The following LYST variants were observed in gnomAD, a reference collection of about 807,000 sequenced individuals.
The protein encoded by LYST is lysosomal trafficking regulator.
LYST carries 192 observed loss-of-function variants against 413.6 expected under a neutral mutation model. The observed-to-expected ratio is 0.46, with a 90% CI of 0.41 to 0.52. The LOEUF (loss-of-function observed/expected upper bound fraction) is 0.52. LYST is among the 20% of genes least tolerant of loss of function. The probability of loss-of-function intolerance (pLI) is 0.00; values close to 1 mark genes in which losing one functional copy is unlikely to be tolerated. For missense variants in LYST, 3,815 were observed against 4,499.9 expected (o/e 0.85, Z 4.35); for synonymous variants, 1,525 against 1,567.3 (o/e 0.97, Z 0.64).
chr1:235,757,203 T>C (rs1667124481), intron 24 of LYST, 78 bp downstream of exon 24: 8 of 891,602 alleles, frequency 9.0e-6, no homozygotes, highest in African/African-American at 1.7e-5. Flanking sequence ...TCTACTTTAA[T>C]GTATATACTC....
intron 31 of LYST, chr1:235,738,401 A>T: frequency 1.2e-6 from 2 of 1,613,492 alleles, no homozygotes; most frequent in Non-Finnish European, 1.7e-6. Context: ...CAAGTTGCTT[A>T]TTGTTTCAAA....
intron 25 of LYST, among the ~76,000 whole-genome samples, chr1:235,754,649 A>G (rs78713790): frequency 0.074 from 11,242 of 152,250 alleles, 545 homozygotes; most frequent in Middle Eastern, 0.12. Context: ...ATAAAGGATG[A>G]AGTTATATTA....
rs200639314 is a variant in LYST, at chr1:235,702,795, C to G, written c.10326G>C (p.Gln3442His). 1 of 1,614,196 alleles carries G rather than the reference C, an allele frequency of 6.2e-7. No individual in the cohort carries two copies. The highest frequency in any genetic ancestry group is 8.5e-7 in the Non-Finnish European group (1 of 1,180,034). The change falls in exon 45 of 53, where the codon CAG (glutamine) becomes CAC (histidine). Residue 3442 changes from glutamine to histidine, a missense_variant. Coordinates refer to ENST00000389793, the MANE Select transcript of LYST (RefSeq NM_000081.4). ...GTTCTCGGGTCTCCCTGAAAGCAAA[C>G]TGCACTAGCAACCCCACAGCAGCTG... Reference protein sequence around the residue: ...ELPAAVGLLVQFAFRETREQV... With the variant: ...ELPAAVGLLVHFAFRETREQV...
chr1:235,780,911 C>T lies in LYST; in HGVS notation c.5168G>A (p.Arg1723Lys), dbSNP rs1466559160. The T allele has an allele frequency of 6.3e-7, 1 of 1,575,286 alleles. No homozygotes were observed. ...ATCTTTCTTGGTCATAAAAAGTTCT[C>T]TGATTTGTTCACATCGCAAAATTTC... ...NKEILRCEQI[R>K]ELFMTKKDVD... The change falls in exon 16 of 53, where the codon AGA (arginine) becomes AAA (lysine). Residue 1723 changes from arginine (R) to lysine (K), a missense_variant. Arg to Lys is a conservative substitution (Grantham distance 26). This residue lies in a region of LYST where 530 missense variants were observed against 696.5 expected (regional missense o/e 0.76). Transcript: ENST00000389793.
At chr1:235,677,385 A>G in intron 49 of LYST, 95 bp downstream of exon 49, 1 of 1,339,924 alleles carries the variant, frequency 7.5e-7, no homozygotes, top group Non-Finnish European at 1.1e-6. Flanking sequence ...TAAAATGATT[A>G]TAACGTAAAG....
At chr1:235,815,409 C>G (rs1004351527) in intron 3 of LYST, among the ~76,000 whole-genome samples, 4 of 152,030 alleles carry the variant, frequency 2.6e-5, no homozygotes, top group African/African-American at 9.7e-5. Context: ...TTTAGACAGG[C>G]TATTTAGGAT....
chr1:235,706,672 T>G (rs1180837961), intron 44 of LYST, among the ~76,000 whole-genome samples: 2 of 152,192 alleles, frequency 1.3e-5, no homozygotes, highest in African/African-American at 2.4e-5. Context: ...CCTTACATAT[T>G]AATATTATAT....
At position 235,773,902 on chromosome 1, in the gene LYST, G is replaced by A. The variant is rs1216163081; in HGVS notation, c.5724C>T (p.Ile1908=). ...FKLDVDSNAI[I]QDVKLLEELL... ...GTTCCTCTAACAGCTTAACATCTTG[G>A]ATTATAGCATTAGAGTCTACATCCA... Residue 1908 remains isoleucine (I), a synonymous_variant, in exon 19 of 53, where the codon ATC becomes ATT. Coordinates refer to ENST00000389793, the MANE Select transcript of LYST (RefSeq NM_000081.4). 6.2e-7 allele frequency: 1 copy of A among 1,609,358 alleles called. No individual in the cohort carries two copies.
At chr1:235,860,770 T>C (rs1218148372) in intron 1 of LYST, among the ~76,000 whole-genome samples, 3 of 152,146 alleles carry the variant, frequency 2.0e-5, no homozygotes, top group Admixed American at 2.0e-4. Flanking sequence ...CATGAAACCA[T>C]CATCAAATCA....
At chr1:235,692,426 G>C (rs1660735359) in intron 47 of LYST, among the ~76,000 whole-genome samples, 1 of 151,696 alleles carries the variant, frequency 6.6e-6, no homozygotes, top group South Asian at 2.1e-4. Context: ...TGTCACCCAG[G>C]CTGGAATGCA....
chr1:235,775,788 G>T (rs533342319), intron 17 of LYST, among the ~76,000 whole-genome samples: 1 of 152,220 alleles, frequency 6.6e-6, no homozygotes, highest in Admixed American at 6.5e-5. Context: ...GAAGTTCACA[G>T]TACATCTAGG....
In LYST at chr1:235,702,997, A is replaced by G. The variant is rs1661668747; in HGVS notation, c.10144-20T>C. On this transcript the variant is annotated intron_variant, in intron 44 of 52. Coordinates refer to ENST00000389793, the MANE Select transcript of LYST (RefSeq NM_000081.4). ...ATATGTCTGCAGAGTGAAAGAGTAA[A>G]GGAACAAGACATATGTAGTAAAAAG... is the stretch of plus-strand genomic sequence containing the variant. The G allele has an allele frequency of 6.6e-7, 1 of 1,525,500 alleles. No individual in the cohort carries two copies. Among genetic ancestry groups the G allele is most frequent in the East Asian group, 2.2e-5 (1 of 44,516 alleles). The allele number at this position is 1,525,500 out of a possible 1,614,324, so 94.5% of individuals were successfully genotyped here.
intron 1 of LYST, among the ~76,000 whole-genome samples, chr1:235,861,338 T>C (rs1679848439): frequency 6.6e-6 from 1 of 152,218 alleles, no homozygotes; most frequent in Non-Finnish European, 1.5e-5. Flanking sequence ...GATTTTTGTT[T>C]TTCAGCAGTT....
intron 23 of LYST, among the ~76,000 whole-genome samples, chr1:235,757,677 C>A (rs1367845236): frequency 1.3e-5 from 2 of 152,126 alleles, no homozygotes; most frequent in Non-Finnish European, 2.9e-5. Context: ...TTCAATTGTA[C>A]ATCTCTGATG....
intron 32 of LYST, among the ~76,000 whole-genome samples, 159 bp from the exon 33 acceptor site, chr1:235,734,065 T>C (rs1321905905): frequency 2.6e-5 from 4 of 152,062 alleles, no homozygotes; most frequent in African/African-American, 9.7e-5. Context: ...ATCTAAACAA[T>C]GTTATAATGT....
At chr1:235,698,610 G>A (rs907908237) in intron 45 of LYST, among the ~76,000 whole-genome samples, 13 of 152,130 alleles carry the variant, frequency 8.5e-5, no homozygotes, top group South Asian at 8.3e-4. Flanking sequence ...GGTGGCTCAA[G>A]CCTGTAATCC....
intron 6 of LYST, among the ~76,000 whole-genome samples, 175 bp from the exon 7 acceptor site, chr1:235,804,840 T>C (rs1187174787): frequency 6.6e-6 from 1 of 152,194 alleles, no homozygotes; most frequent in Non-Finnish European, 1.5e-5. Context: ...CCTGTTAAAA[T>C]TAATAACATT....
intron 46 of LYST, 107 bp from the exon 47 acceptor site, chr1:235,693,593 C>T (rs529161437): frequency 8.1e-7 from 1 of 1,236,094 alleles, no homozygotes; most frequent in East Asian, 2.3e-5. Context: ...CAGAACATAT[C>T]ATTTGGTGCA....
At chr1:235,669,325 A>C (rs1313751005) in intron 50 of LYST, among the ~76,000 whole-genome samples, 2 of 152,218 alleles carry the variant, frequency 1.3e-5, no homozygotes, top group African/African-American at 2.4e-5. Context: ...AGACAGTTTC[A>C]CACTCACTTC....
Sources: gnomAD v4.1 joint callset for allele counts (sites outside exome capture counted in the v4.1 genomes callset) on GRCh38, gnomAD v4.1.1 for gene constraint, gnomAD v4.1.1 regional missense constraint, MANE v1.5 for transcripts, NCBI Gene and HGNC (gene_info 2026-07-23, HGNC 2026-07-21) for gene names.